PIWIL4: variants seen among roughly 807,000 people sequenced by gnomAD.
The protein encoded by PIWIL4 is piwi like RNA-mediated gene silencing 4.
In PIWIL4, 50 loss-of-function variants were observed where a neutral mutation model predicts 100.9. The observed-to-expected ratio is 0.50, with a 90% CI of 0.39 to 0.63. The LOEUF (loss-of-function observed/expected upper bound fraction) is 0.63. Among genes scored for constraint, PIWIL4 ranks in the 20% least tolerant of loss-of-function variants. The pLI is 0.00. For synonymous variants in PIWIL4, 342 were observed against 367.5 expected (o/e 0.93, Z 0.79); for missense variants, 887 against 1,043.3 (o/e 0.85, Z 2.06).
At chr11:94,575,511 G>A (rs925636292) in intron 3 of PIWIL4, among the ~76,000 whole-genome samples, 3 of 152,116 alleles carry the variant, frequency 2.0e-5, no homozygotes, top group African/African-American at 7.2e-5. Context: ...CCATAAAATT[G>A]CATGCAAATT....
intron 11 of PIWIL4, among the ~76,000 whole-genome samples, chr11:94,600,935 C>G (rs926417807): frequency 1.3e-5 from 2 of 151,776 alleles, no homozygotes. Context: ...TTAAGATTAT[C>G]TCTCTTTTTC....
At chr11:94,618,925 T>C (rs1013086329) in intron 17 of PIWIL4, among the ~76,000 whole-genome samples, 1 of 152,170 alleles carries the variant, frequency 6.6e-6, no homozygotes, top group Non-Finnish European at 1.5e-5. Context: ...TCTGCAGCTT[T>C]ATCCCAACTG....
At chr11:94,567,707 A>C (rs1047568547) in intron 1 of PIWIL4, 102 bp downstream of exon 1, 2 of 1,330,430 alleles carry the variant, frequency 1.5e-6, no homozygotes, top group Non-Finnish European at 1.9e-6. Context: ...TCTGTTACGA[A>C]GTAGTGCGTT....
rs926277723 is a variant in PIWIL4 at position 94,603,980 on chromosome 11, G to A, written c.1566-4G>A. ...ATAGCTTCAAAATTAATCTTTTTATGTAGCATAAAAGTACAAGAAAATCCA... is the reference window on the plus strand; with the variant it reads ...ATAGCTTCAAAATTAATCTTTTTATATAGCATAAAAGTACAAGAAAATCCA... On this transcript the variant is annotated splice_region_variant and splice_polypyrimidine_tract_variant and intron_variant, in intron 12 of 19. Coordinates refer to ENST00000299001, the MANE Select transcript of PIWIL4 (RefSeq NM_152431.3). The A allele has an allele frequency of 6.3e-7, 1 of 1,585,444 alleles. No individual in the cohort carries two copies. The highest frequency in any genetic ancestry group is 8.6e-7 in the Non-Finnish European group (1 of 1,158,608).
chr11:94,594,202 C>T (rs1320233423), intron 9 of PIWIL4, among the ~76,000 whole-genome samples: 1 of 152,066 alleles, frequency 6.6e-6, no homozygotes, highest in Non-Finnish European at 1.5e-5. Context: ...CGTGGTGGCT[C>T]ACACCTGTCA....
At chr11:94,591,666 G>T (rs577583320) in intron 8 of PIWIL4, among the ~76,000 whole-genome samples, 31 of 152,274 alleles carry the variant, frequency 2.0e-4, no homozygotes, top group African/African-American at 7.5e-4. Flanking sequence ...AAAAATCCCA[G>T]TCACTGTTTT....
In PIWIL4 at chr11:94,577,359, A is replaced by G. The variant is rs1298335972; in HGVS notation, c.380A>G (p.His127Arg). 1.2e-6 allele frequency: 2 copies of G among 1,614,024 alleles called. No homozygotes were observed. Among genetic ancestry groups the G allele is most frequent in the South Asian group, 1.1e-5 (1 of 91,078 alleles). ...CAAGACTGGCAGCTATACCAGTACC[A>G]TGTGACATATATTCCAGATTTAGCA... ...FPQDWQLYQY[H>R]VTYIPDLASR... The change falls in exon 4 of 20, where the codon CAT becomes CGT. Residue 127 changes from histidine to arginine, a missense_variant. By Grantham distance (29) the His-to-Arg change is conservative. Transcript: ENST00000299001.
intron 15 of PIWIL4, among the ~76,000 whole-genome samples, chr11:94,612,315 GT>G (rs35206610): frequency 0.16 from 23,089 of 143,210 alleles, 2,991 homozygotes; most frequent in African/African-American, 0.37. Context: ...TTTTTGTGAG[GT>G]TTTTTTTTTT....
chr11:94,577,205 TTA>T, intron 3 of PIWIL4, 71 bp from the exon 4 acceptor site: 1 of 1,249,144 alleles, frequency 8.0e-7, no homozygotes, highest in Non-Finnish European at 1.1e-6. Context: ...AAATACATTT[TTA>T]AATGGTGTGA....
At chr11:94,616,076 CTA>C (rs1948842825) in intron 15 of PIWIL4, among the ~76,000 whole-genome samples, 1 of 152,190 alleles carries the variant, frequency 6.6e-6, no homozygotes. Flanking sequence ...ATAGTGGCCT[CTA>C]TTACTCTTTA....
intron 4 of PIWIL4, among the ~76,000 whole-genome samples, chr11:94,580,262 A>G (rs1056800381): frequency 9.2e-5 from 14 of 152,316 alleles, no homozygotes; most frequent in African/African-American, 3.4e-4. Context: ...AGTGCAAAAG[A>G]AAGTGTCCTA....
At chr11:94,603,090 GCTTCTGT>G (rs1180873826) in intron 12 of PIWIL4, among the ~76,000 whole-genome samples, 2 of 152,072 alleles carry the variant, frequency 1.3e-5, no homozygotes, top group African/African-American at 4.8e-5. Flanking sequence ...TATATGCATA[GCTTCTGT>G]CTTCTAAAAC....
At chr11:94,575,494 G>T (rs1043147281) in intron 3 of PIWIL4, among the ~76,000 whole-genome samples, 4 of 152,118 alleles carry the variant, frequency 2.6e-5, no homozygotes, top group Non-Finnish European at 5.9e-5. Flanking sequence ...CCAGATTCCA[G>T]GCTCACCCAT....
At chr11:94,589,424 T>G (rs1044656232) in intron 8 of PIWIL4, among the ~76,000 whole-genome samples, 192 bp downstream of exon 8, 14 of 152,138 alleles carry the variant, frequency 9.2e-5, no homozygotes, top group African/African-American at 3.4e-4. Flanking sequence ...GTTTCCTTCT[T>G]CCTGTAGTCT....
rs374387055 is a variant in PIWIL4 at position 94,619,824 on chromosome 11, C to T, written c.2233C>T (p.Arg745Cys). 4.7e-5 allele frequency: 76 copies of T among 1,614,000 alleles called. No homozygotes were observed. The highest frequency in any genetic ancestry group is 1.6e-4 in the South Asian group (15 of 91,084). The change falls in exon 18 of 20, where the codon CGC becomes TGC. Residue 745 changes from arginine (R) to cysteine (C), a missense_variant. Arg to Cys is a radical substitution (Grantham distance 180). Transcript: ENST00000299001. ...CMPRFFTEMN[R>C]TVQNPPLGTV... ...GCCACGATTCTTTACCGAAATGAAC[C>T]GCACTGTACAGAACCCCCCACTTGG...
chr11:94,595,950 A>G (rs1006798227), intron 10 of PIWIL4, among the ~76,000 whole-genome samples: 1 of 152,280 alleles, frequency 6.6e-6, no homozygotes, highest in Non-Finnish European at 1.5e-5. Context: ...AGTTTGCTAT[A>G]ACATGTGATT....
At chr11:94,587,604 C>T (rs1162262959) in intron 7 of PIWIL4, among the ~76,000 whole-genome samples, 1 of 152,218 alleles carries the variant, frequency 6.6e-6, no homozygotes, top group Non-Finnish European at 1.5e-5. Context: ...TTTCACAAAG[C>T]TCAATTCTAA....
Position 94,618,072 on chromosome 11 carries a change from G to C in PIWIL4, c.2133G>C (p.Leu711=), listed in dbSNP as rs752186868. 37 of 1,595,846 alleles carry C rather than the reference G, an allele frequency of 2.3e-5. No individual in the cohort carries two copies. The South Asian group carries it at 4.1e-4, about 18-fold the overall frequency. Residue 711 remains leucine, a synonymous_variant, in exon 17 of 20, where the codon CTG becomes CTC. Coordinates refer to ENST00000299001, the MANE Select transcript of PIWIL4 (RefSeq NM_152431.3). ...TTATTGAATATGAAGTCCCACAGCT[G>C]CTGAGCAGTGTGGCAGAATCCAGCT... ...KTLIEYEVPQ[L]LSSVAESSSN...
At chr11:94,598,811 G>T (rs541322495) in intron 11 of PIWIL4, among the ~76,000 whole-genome samples, 2 of 148,798 alleles carry the variant, frequency 1.3e-5, no homozygotes, top group East Asian at 4.0e-4. Context: ...GGGCTCAAGC[G>T]ATCCTGCCAT....
Sources: gnomAD v4.1 joint callset for allele counts (sites outside exome capture counted in the v4.1 genomes callset) on GRCh38, gnomAD v4.1.1 for gene constraint, MANE v1.5 for transcripts, NCBI Gene and HGNC (gene_info 2026-07-23, HGNC 2026-07-21) for gene names.